Variants in IL1RAPL2 observed in about 807,000 individuals in gnomAD.
IL1RAPL2 encodes X-linked interleukin-1 receptor accessory protein-like 2.
Under a neutral mutation model 44.1 loss-of-function variants are expected in IL1RAPL2, and 3 were observed. The ratio of observed to expected loss-of-function variants is 0.07; its 90% CI spans 0.03 to 0.18. The LOEUF (loss-of-function observed/expected upper bound fraction) is 0.18. Ranked by LOEUF, IL1RAPL2 falls within the 10% of genes least tolerant of loss-of-function variation. The pLI, the probability that IL1RAPL2 is intolerant of heterozygous loss-of-function variation, is 1.00. For missense variants in IL1RAPL2, 391 were observed against 496.4 expected, an observed-to-expected ratio of 0.79 and a Z score of 2.02; for synonymous variants, 181 against 178.8, an observed-to-expected ratio of 1.01 and a Z score of -0.10.
chrX:105,057,907 A>G (rs919766327), intron 2 of IL1RAPL2, among the ~76,000 whole-genome samples: 9 of 102,698 alleles, frequency 8.8e-5, no homozygotes, highest in African/African-American at 3.3e-4. Flanking sequence ...TCAGCCTCCC[A>G]AGTAGCTGGA....
chrX:105,062,192 C>T (rs549539479), intron 2 of IL1RAPL2, among the ~76,000 whole-genome samples: 1 of 110,460 alleles, frequency 9.1e-6, no homozygotes, highest in African/African-American at 3.3e-5. Context: ...TTTGTGTATC[C>T]ACTGTATATT....
Position 104,888,779 on chromosome X carries a change from G to T in IL1RAPL2, c.82+229784G>T, listed in dbSNP as rs775897047. On this transcript the variant is annotated intron_variant, in intron 2 of 10. Coordinates refer to ENST00000372582, the MANE Select transcript of IL1RAPL2 (RefSeq NM_017416.2). The stretch of plus-strand genomic sequence containing the variant: ...CTACTACCCTAGTTATGAAGGAAAA[G>T]ACCCTTTCCAACTTCTAAATATGCA... 2.7e-5 allele frequency among the ~76,000 whole-genome samples: 3 copies of T among 109,947 alleles called. No homozygotes were observed. The East Asian group carries it at 8.5e-4, about 31-fold the overall frequency.
At chrX:104,768,315 C>T (rs765430251) in intron 2 of IL1RAPL2, among the ~76,000 whole-genome samples, 7 of 111,532 alleles carry the variant, frequency 6.3e-5, no homozygotes, top group Non-Finnish European at 1.3e-4. Context: ...TGCCTCAACC[C>T]TTTCCCCCAC....
chrX:104,973,581 A>G (rs2030276752), intron 2 of IL1RAPL2, among the ~76,000 whole-genome samples: 1 of 112,258 alleles, frequency 8.9e-6, no homozygotes, highest in Non-Finnish European at 1.9e-5. Context: ...TACAGAATTG[A>G]AAACTTTCTG....
chrX:105,090,525 A>AG (rs2032531860), intron 2 of IL1RAPL2, among the ~76,000 whole-genome samples: 1 of 112,219 alleles, frequency 8.9e-6, no homozygotes, highest in Non-Finnish European at 1.9e-5. Flanking sequence ...TATAAATAAT[A>AG]GCACATTGTG....
chrX:105,318,291 A>G (rs991522669), intron 5 of IL1RAPL2, among the ~76,000 whole-genome samples: 6 of 111,483 alleles, frequency 5.4e-5, no homozygotes, highest in Non-Finnish European at 9.4e-5. Context: ...TATTTTCTAA[A>G]TTACTGTGTG....
chrX:105,051,775 G>A (rs2031929720), intron 2 of IL1RAPL2, among the ~76,000 whole-genome samples: 1 of 112,529 alleles, frequency 8.9e-6, no homozygotes, highest in African/African-American at 3.2e-5. Context: ...GTTTCAGCTA[G>A]AACAACTATG....
intron 2 of IL1RAPL2, among the ~76,000 whole-genome samples, chrX:104,949,793 A>G (rs1441210211): frequency 9.0e-6 from 1 of 111,321 alleles, no homozygotes; most frequent in African/African-American, 3.3e-5. Context: ...ACAGTTTGTT[A>G]TAATTTCTGT....
At chrX:105,266,724 T>A (rs1327494340) in intron 4 of IL1RAPL2, among the ~76,000 whole-genome samples, 1 of 111,335 alleles carries the variant, frequency 9.0e-6, no homozygotes, top group Non-Finnish European at 1.9e-5. Flanking sequence ...GTGGATGATT[T>A]CTCCAGGCTG....
At chrX:105,002,286 C>G (rs1014627917) in intron 2 of IL1RAPL2, among the ~76,000 whole-genome samples, 1 of 111,011 alleles carries the variant, frequency 9.0e-6, no homozygotes, top group African/African-American at 3.3e-5. Flanking sequence ...GAAAATATAA[C>G]AGAACAAGTT....
At chrX:105,413,226 G>T (rs1332733143) in intron 5 of IL1RAPL2, among the ~76,000 whole-genome samples, 1 of 111,579 alleles carries the variant, frequency 9.0e-6, no homozygotes, top group Non-Finnish European at 1.9e-5. Flanking sequence ...TCCCCATGTG[G>T]TAAACAGAAT....
At chrX:105,387,583 G>C (rs940591715) in intron 5 of IL1RAPL2, among the ~76,000 whole-genome samples, 1 of 111,151 alleles carries the variant, frequency 9.0e-6, no homozygotes, top group Non-Finnish European at 1.9e-5. Flanking sequence ...ATTATGAGTA[G>C]ACAGTTCTGT....
intron 2 of IL1RAPL2, among the ~76,000 whole-genome samples, chrX:104,727,364 C>T (rs1382317072): frequency 1.8e-5 from 2 of 110,438 alleles, no homozygotes; most frequent in Admixed American, 9.7e-5. Context: ...TCAGAAAATG[C>T]CAATTAAAAC....
At chrX:104,568,028 A>T (rs887228913) in intron 1 of IL1RAPL2, among the ~76,000 whole-genome samples, 3 of 112,035 alleles carry the variant, frequency 2.7e-5, no homozygotes, top group African/African-American at 9.7e-5. Flanking sequence ...AAAAGTTGTG[A>T]CTGCACAGAA....
chrX:104,774,605 C>A (rs1178742137), intron 2 of IL1RAPL2, among the ~76,000 whole-genome samples: 1 of 112,017 alleles, frequency 8.9e-6, no homozygotes, highest in East Asian at 2.8e-4. Flanking sequence ...CTGCAGAGTG[C>A]CAGTGCAGCA....
chrX:105,075,110 G>C (rs1353909108), intron 2 of IL1RAPL2, among the ~76,000 whole-genome samples: 1 of 111,217 alleles, frequency 9.0e-6, no homozygotes, highest in African/African-American at 3.3e-5. Flanking sequence ...GGGCATCCCT[G>C]TCTTGTGCCA....
In IL1RAPL2 at chrX:104,839,068, C is replaced by T. The variant is rs12690333; in HGVS notation, c.82+180073C>T. ...TTCATCATCTTGGCCAGGCTAATCT[C>T]GAACTCCTGATCTCAGGTGATCCAC... is the stretch of plus-strand genomic sequence containing the variant. On this transcript the variant is annotated intron_variant, in intron 2 of 10. Coordinates refer to ENST00000372582, the MANE Select transcript of IL1RAPL2 (RefSeq NM_017416.2). Among the ~76,000 whole-genome samples the T allele has an allele frequency of 1.7e-3, 187 of 108,327 alleles. 3 individuals are homozygous for T. In the East Asian group the frequency reaches 0.037, roughly 21 times the overall value. 94.1% of individuals were successfully genotyped at this position (108,327 alleles called of 115,157 possible). A position where few individuals can be genotyped will look rare whatever the true frequency, so the allele number is the denominator to read the frequency against.
chrX:105,265,525 A>C (rs2147655041), intron 4 of IL1RAPL2, among the ~76,000 whole-genome samples: 1 of 111,583 alleles, frequency 9.0e-6, no homozygotes, highest in Non-Finnish European at 1.9e-5. Context: ...AATTTCAGAC[A>C]GGCCCTTAAC....
chrX:105,659,664 AT>A (rs1433321723), intron 6 of IL1RAPL2, among the ~76,000 whole-genome samples: 1 of 107,874 alleles, frequency 9.3e-6, no homozygotes, highest in Non-Finnish European at 1.9e-5. Flanking sequence ...CTCAAAAAAA[AT>A]AAATAAAATA....
Sources: allele counts gnomAD v4.1 joint callset (sites outside exome capture counted in the v4.1 genomes callset), GRCh38; gene constraint gnomAD v4.1.1; transcripts MANE v1.5; gene names NCBI Gene and HGNC (gene_info 2026-07-23, HGNC 2026-07-21).